The following ACSL3 variants were observed in gnomAD, a reference collection of about 807,000 sequenced individuals.
ACSL3 encodes the protein acyl-CoA synthetase long chain family member 3.
In ACSL3, 34 loss-of-function variants were observed where a neutral mutation model predicts 84.7. The ratio of observed to expected loss-of-function variants is 0.40; its 90% CI spans 0.31 to 0.53. The LOEUF (loss-of-function observed/expected upper bound fraction) is 0.53, where lower values mean the gene tolerates loss of function less well. Ranked by LOEUF, ACSL3 falls within the 20% of genes least tolerant of loss-of-function variation. ACSL3 has a pLI of 0.48. For synonymous variants in ACSL3, 315 were observed against 299.4 expected (o/e 1.05, Z -0.54); for missense variants, 680 against 873.1 (o/e 0.78, Z 2.79).
intron 2 of ACSL3, among the ~76,000 whole-genome samples, chr2:222,896,833 C>A (rs1383478540): frequency 2.8e-3 from 42 of 14,738 alleles, no homozygotes; most frequent in Non-Finnish European, 3.9e-3. Flanking sequence ...GGGGGCTGAC[C>A]CCCCCACCTC....
chr2:222,916,321 T>A lies in ACSL3; in HGVS notation c.381T>A (p.Val127=), dbSNP rs774851080. The change falls in exon 5 of 17, where the codon GTT becomes GTA. Residue 127 remains valine (V), a splice_region_variant and synonymous_variant. Transcript: ENST00000357430. ...VQPNGKIFKK[V]ILGQYNWLSY... ...AAAATTTTTTTTTGTTTTATCAGGT[T>A]ATTCTTGGACAGTATAATTGGCTTT... 7.1e-6 allele frequency: 11 copies of A among 1,544,544 alleles called. No individual in the cohort carries two copies. Among genetic ancestry groups the A allele is most frequent in the Non-Finnish European group, 8.7e-6 (10 of 1,145,300 alleles).
At chr2:222,916,292 TAA>T in intron 4 of ACSL3, 25 bp from the exon 5 acceptor site, 1 of 1,404,628 alleles carries the variant, frequency 7.1e-7, no homozygotes, top group Non-Finnish European at 9.4e-7. Context: ...TTGATTACAT[TAA>T]AAAAATTTTT....
At chr2:222,901,444 A>C (rs1359202590) in intron 3 of ACSL3, among the ~76,000 whole-genome samples, 2 of 152,118 alleles carry the variant, frequency 1.3e-5, no homozygotes, top group African/African-American at 4.8e-5. Context: ...ACACCATCTT[A>C]ATTACTTTTC....
chr2:222,877,480 C>T (rs1161712323), intron 1 of ACSL3, among the ~76,000 whole-genome samples: 1 of 152,116 alleles, frequency 6.6e-6, no homozygotes, highest in Non-Finnish European at 1.5e-5. Context: ...CGTAGATTTA[C>T]TTTTTTGGTG....
intron 3 of ACSL3, among the ~76,000 whole-genome samples, chr2:222,907,011 T>TA (rs1696311703): frequency 6.6e-6 from 1 of 152,214 alleles, no homozygotes; most frequent in Non-Finnish European, 1.5e-5. Flanking sequence ...TCTGTGTTCT[T>TA]ACAGCCTGCT....
chr2:222,907,809 C>A (rs1402344099), intron 3 of ACSL3, among the ~76,000 whole-genome samples: 3 of 151,952 alleles, frequency 2.0e-5, no homozygotes, highest in African/African-American at 7.3e-5. Flanking sequence ...ATGGCTGTTC[C>A]CCTCTGCCCG....
chr2:222,877,803 A>G lies in ACSL3; in HGVS notation c.-206-10027A>G, dbSNP rs961824109. The stretch of plus-strand genomic sequence containing the variant: ...TGCATGGATAATTTACCCGTAGACA[A>G]TTGGGAGCTGTGTATTTAAGTTAAT... On this transcript the variant is annotated intron_variant, in intron 1 of 16. Transcript: ENST00000357430. Among the ~76,000 whole-genome samples the G allele has an allele frequency of 4.6e-5, 7 of 152,188 alleles. No individual in the cohort carries two copies. The East Asian group carries it at 5.8e-4, about 13-fold the overall frequency.
At chr2:222,931,368 C>T (rs558773490) in intron 14 of ACSL3, among the ~76,000 whole-genome samples, 3 of 150,342 alleles carry the variant, frequency 2.0e-5, no homozygotes, top group Non-Finnish European at 3.0e-5. Flanking sequence ...AAGCGGAGAT[C>T]GCGACACTGC....
chr2:222,939,489 T>G (rs4674727), intron 16 of ACSL3, among the ~76,000 whole-genome samples: 126,454 of 152,102 alleles, frequency 0.83, 52,858 homozygotes, highest in East Asian at 0.97. Context: ...AGCCTCTGGT[T>G]CATGTTAATC....
At chr2:222,915,954 ATTAAG>A (rs1559295032) in intron 4 of ACSL3, among the ~76,000 whole-genome samples, 1 of 152,220 alleles carries the variant, frequency 6.6e-6, no homozygotes, top group East Asian at 1.9e-4. Flanking sequence ...TAGGCTAAAT[ATTAAG>A]TTAACACCTA....
At chr2:222,870,925 G>A (rs1695284017) in intron 1 of ACSL3, among the ~76,000 whole-genome samples, 1 of 152,158 alleles carries the variant, frequency 6.6e-6, no homozygotes, top group Non-Finnish European at 1.5e-5. Context: ...TGAAATACGG[G>A]TTATAAGGGA....
In ACSL3 at chr2:222,933,259, A is replaced by T. The variant is rs1697077951; in HGVS notation, c.1826A>T (p.Asn609Ile). ...AALKNLPLVD[N>I]ICAYANSYHS... is the part of the protein sequence containing the mutation. ...TTGAAGAATCTTCCACTAGTAGATA[A>T]CATTTGTGCATATGCAAACAGGTAA... The change falls in exon 15 of 17, where the codon AAC (asparagine) becomes ATC (isoleucine). Residue 609 changes from asparagine to isoleucine, a missense_variant. Around this residue, in one of 2 missense-constraint regions of ACSL3, gnomAD observed 347 missense variants for 525.7 expected, o/e 0.66. Transcript: ENST00000357430. 1 of 1,612,370 alleles carries T rather than the reference A, an allele frequency of 6.2e-7. No homozygotes were observed.
At chr2:222,889,327 A>G (rs1346095007) in intron 2 of ACSL3, among the ~76,000 whole-genome samples, 1 of 152,164 alleles carries the variant, frequency 6.6e-6, no homozygotes, top group Non-Finnish European at 1.5e-5. Context: ...GTACAGTGAC[A>G]AAGATAACTT....
chr2:222,899,767 A>G (rs367744938), intron 2 of ACSL3, among the ~76,000 whole-genome samples: 1 of 152,162 alleles, frequency 6.6e-6, no homozygotes, highest in African/African-American at 2.4e-5. Flanking sequence ...ATAAAGGAAT[A>G]ATTTTCTTAA....
intron 1 of ACSL3, among the ~76,000 whole-genome samples, chr2:222,864,579 G>T (rs1695091897): frequency 2.0e-5 from 3 of 152,188 alleles, no homozygotes; most frequent in Non-Finnish European, 4.4e-5. Context: ...CAACATGGAG[G>T]TCACTGGTGA....
chr2:222,874,667 C>T (rs917698512), intron 1 of ACSL3, among the ~76,000 whole-genome samples: 1 of 150,528 alleles, frequency 6.6e-6, no homozygotes, highest in African/African-American at 2.4e-5. Context: ...AGCAAGAGAC[C>T]CTGTCTGAAA....
At chr2:222,886,120 C>T (rs556724114) in intron 1 of ACSL3, among the ~76,000 whole-genome samples, 5 of 151,570 alleles carry the variant, frequency 3.3e-5, no homozygotes, top group African/African-American at 9.7e-5. Flanking sequence ...TACATGTATA[C>T]GTAGGTACAC....
In ACSL3 at chr2:222,893,031, T is replaced by C. The variant is rs569637962; in HGVS notation, c.-148+5143T>C. Among the ~76,000 whole-genome samples, 6 of 152,330 alleles carry C rather than the reference T, an allele frequency of 3.9e-5. No individual in the cohort carries two copies. The South Asian group carries it at 1.2e-3, about 32-fold the overall frequency. The stretch of plus-strand genomic sequence containing the variant: ...AAAATGCTAAGCCATATTATTATTA[T>C]TGTTATTTGCAGATATGAACAGTTG... On this transcript the variant is annotated intron_variant, in intron 2 of 16. Transcript: ENST00000357430.
intron 3 of ACSL3, among the ~76,000 whole-genome samples, chr2:222,902,959 A>G (rs7576552): frequency 0.51 from 76,903 of 151,962 alleles, 20,050 homozygotes; most frequent in East Asian, 0.77. Flanking sequence ...GTGAGGTTTC[A>G]CCGGGGACTC....
Sources: allele counts gnomAD v4.1 joint callset (sites outside exome capture counted in the v4.1 genomes callset), GRCh38; gene constraint gnomAD v4.1.1; regional missense constraint gnomAD v4.1.1; transcripts MANE v1.5; gene names NCBI Gene and HGNC (gene_info 2026-07-23, HGNC 2026-07-21).